Variants in KCNAB1 observed in about 807,000 individuals in gnomAD.
The protein encoded by KCNAB1 is potassium voltage-gated channel subfamily A regulatory beta subunit 1.
A neutral mutation model predicts 64.6 loss-of-function variants in KCNAB1; 35 were observed. That is an observed-to-expected ratio of 0.54 (90% CI 0.41 to 0.72). The LOEUF (loss-of-function observed/expected upper bound fraction) is 0.72, where lower values mean the gene tolerates loss of function less well. Among genes scored for constraint, KCNAB1 ranks in the 30% least tolerant of loss-of-function variants. The pLI is 0.00. For missense variants in KCNAB1, 401 were observed against 512.9 expected (o/e 0.78, Z 2.11); for synonymous variants, 177 against 183.8 (o/e 0.96, Z 0.30).
intron 1 of KCNAB1, among the ~76,000 whole-genome samples, chr3:156,269,913 C>CTTTTTT (rs34741042): frequency 8.7e-6 from 1 of 114,506 alleles, no homozygotes; most frequent in African/African-American, 3.5e-5. Flanking sequence ...CCGGGGCTTG[C>CTTTTTT]TTTTTTTTTT....
At chr3:156,532,190 G>A (rs1015687172) in intron 13 of KCNAB1, among the ~76,000 whole-genome samples, 1 of 152,158 alleles carries the variant, frequency 6.6e-6, no homozygotes. Context: ...TATCCCATGA[G>A]ATGGCCACTG....
intron 1 of KCNAB1, among the ~76,000 whole-genome samples, chr3:156,394,089 C>A (rs1010586389): frequency 2.0e-5 from 3 of 152,256 alleles, no homozygotes; most frequent in East Asian, 1.9e-4. Context: ...TAAATGAGAA[C>A]AATATGTACC....
intron 12 of KCNAB1, among the ~76,000 whole-genome samples, chr3:156,526,687 C>T (rs1005841972): frequency 3.3e-5 from 5 of 152,178 alleles, no homozygotes; most frequent in Admixed American, 2.6e-4. Flanking sequence ...CTCTCACTGT[C>T]TTGTCTCCTT....
chr3:156,277,859 C>T (rs1719434775), intron 1 of KCNAB1, among the ~76,000 whole-genome samples: 2 of 152,170 alleles, frequency 1.3e-5, no homozygotes, highest in South Asian at 2.1e-4. Context: ...TTTACATTCC[C>T]ACCAACAGTG....
intron 1 of KCNAB1, among the ~76,000 whole-genome samples, chr3:156,127,731 G>A (rs935102515): frequency 6.6e-6 from 1 of 152,172 alleles, no homozygotes; most frequent in African/African-American, 2.4e-5. Context: ...GGGGTGGTGA[G>A]TTGGAAGTAG....
chr3:156,348,910 A>T lies in KCNAB1; in HGVS notation c.276-72706A>T, dbSNP rs369611710. On this transcript the variant is annotated intron_variant, in intron 1 of 13. Coordinates refer to ENST00000490337, the MANE Select transcript of KCNAB1 (RefSeq NM_172160.3). ...TGGACCCTCTAAAATTTTTCTCTGG[A>T]CTAAGCCAGGCCACTGACTGTATTT... Among the ~76,000 whole-genome samples the T allele has an allele frequency of 1.8e-4, 27 of 152,310 alleles. No homozygotes were observed. The East Asian group carries it at 3.7e-3, about 21-fold the overall frequency.
chr3:156,507,837 T>C (rs1716927628), intron 8 of KCNAB1, among the ~76,000 whole-genome samples: 1 of 152,042 alleles, frequency 6.6e-6, no homozygotes, highest in African/African-American at 2.4e-5. Context: ...AAAAAAAAAA[T>C]CTGATATCAG....
intron 2 of KCNAB1, among the ~76,000 whole-genome samples, chr3:156,430,461 G>T (rs749270385): frequency 1.3e-5 from 2 of 152,114 alleles, no homozygotes; most frequent in Non-Finnish European, 2.9e-5. Flanking sequence ...AGTAATGGGG[G>T]ACAAAAGGTC....
At chr3:156,165,194 C>T (rs561898841) in intron 1 of KCNAB1, among the ~76,000 whole-genome samples, 10 of 134,616 alleles carry the variant, frequency 7.4e-5, no homozygotes, top group African/African-American at 2.8e-4. Context: ...AGGAGAATGG[C>T]GTGAACCCGG....
At chr3:156,443,065 G>A (rs901744447) in intron 2 of KCNAB1, among the ~76,000 whole-genome samples, 3 of 152,082 alleles carry the variant, frequency 2.0e-5, no homozygotes, top group Non-Finnish European at 4.4e-5. Flanking sequence ...TTTTAGTTCC[G>A]GGATACATGT....
intron 8 of KCNAB1, among the ~76,000 whole-genome samples, chr3:156,507,101 G>A (rs1029176943): frequency 1.2e-4 from 18 of 152,232 alleles, no homozygotes; most frequent in African/African-American, 4.1e-4. Context: ...AACCTCTCAC[G>A]ATGACAGATC....
chr3:156,536,337 T>C (rs1161750879), intron 13 of KCNAB1, among the ~76,000 whole-genome samples: 2 of 152,260 alleles, frequency 1.3e-5, no homozygotes, highest in African/African-American at 4.8e-5. Flanking sequence ...CATGTATTAA[T>C]TTCACTGTTC....
At chr3:156,458,974 A>G (rs911804069) in intron 4 of KCNAB1, among the ~76,000 whole-genome samples, 1 of 152,212 alleles carries the variant, frequency 6.6e-6, no homozygotes, top group African/African-American at 2.4e-5. Context: ...GCTAACCCGC[A>G]TCATGGCTTA....
At chr3:156,332,931 G>T (rs1179695371) in intron 1 of KCNAB1, among the ~76,000 whole-genome samples, 1 of 152,104 alleles carries the variant, frequency 6.6e-6, no homozygotes, top group African/African-American at 2.4e-5. Flanking sequence ...ATGTGAAACT[G>T]TTCTCAAAAT....
chr3:156,177,426 G>C (rs541315122), intron 1 of KCNAB1, among the ~76,000 whole-genome samples: 65 of 152,252 alleles, frequency 4.3e-4, no homozygotes, highest in African/African-American at 1.6e-3. Flanking sequence ...GCCGAGGCTG[G>C]AGTGCAGCGG....
chr3:156,260,401 C>T (rs1034942473), intron 1 of KCNAB1, among the ~76,000 whole-genome samples: 3 of 152,268 alleles, frequency 2.0e-5, no homozygotes, highest in East Asian at 3.9e-4. Flanking sequence ...TCAAAAAGTT[C>T]GCTCATTCCT....
intron 1 of KCNAB1, among the ~76,000 whole-genome samples, chr3:156,312,703 CAAAAAAAA>C (rs397991453): frequency 6.9e-4 from 19 of 27,420 alleles, no homozygotes; most frequent in African/African-American, 2.0e-3. Flanking sequence ...AGACTGTCTC[CAAAAAAAA>C]AAAAAAAAAA....
At chr3:156,429,871 C>T (rs1204919401) in intron 2 of KCNAB1, among the ~76,000 whole-genome samples, 2 of 152,170 alleles carry the variant, frequency 1.3e-5, no homozygotes, top group African/African-American at 4.8e-5. Flanking sequence ...ACTATCGTAA[C>T]TCCGAAATAC....
rs570941012 is a variant in KCNAB1, at chr3:156,482,720, A to G, written c.658+7900A>G. Among the ~76,000 whole-genome samples, 127 of 152,194 alleles carry G rather than the reference A, an allele frequency of 8.3e-4. No individual in the cohort carries two copies. The South Asian group carries it at 0.013, about 15-fold the overall frequency. ...TTCTTATCTGTAGAACGTAGGTAAT[A>G]ATATCTGCTCTATAGGGTTATTGTG... is the stretch of plus-strand genomic sequence containing the variant. On this transcript the variant is annotated intron_variant, in intron 8 of 13. Coordinates refer to ENST00000490337, the MANE Select transcript of KCNAB1 (RefSeq NM_172160.3).
Sources: gnomAD v4.1 joint callset for allele counts (sites outside exome capture counted in the v4.1 genomes callset) on GRCh38, gnomAD v4.1.1 for gene constraint, MANE v1.5 for transcripts, NCBI Gene and HGNC (gene_info 2026-07-23, HGNC 2026-07-21) for gene names.